The following USP9X variants were observed in gnomAD, a reference collection of about 807,000 sequenced individuals.
USP9X encodes the protein ubiquitin specific peptidase 9 X-linked.
A neutral mutation model predicts 190.3 loss-of-function variants in USP9X; 7 were observed. That is an observed-to-expected ratio of 0.04 (90% CI 0.02 to 0.07). USP9X has a LOEUF of 0.07. Ranked by LOEUF, USP9X falls within the 10% of genes least tolerant of loss-of-function variation. The probability of loss-of-function intolerance (pLI) is 1.00; values close to 1 mark genes in which losing one functional copy is unlikely to be tolerated. For synonymous variants in USP9X, 645 were observed against 659.5 expected (o/e 0.98, Z 0.34); for missense variants, 1,010 against 1,916.9 (o/e 0.53, Z 8.83).
chrX:41,138,574 C>G (rs1037599218), intron 6 of USP9X, among the ~76,000 whole-genome samples: 13 of 111,831 alleles, frequency 1.2e-4, no homozygotes, highest in Non-Finnish European at 2.4e-4. Context: ...ACTTCAAATT[C>G]TCTCTACACC....
At chrX:41,195,665 CTCA>C (rs1313556807) in intron 26 of USP9X, among the ~76,000 whole-genome samples, 1 of 111,527 alleles carries the variant, frequency 9.0e-6, no homozygotes, top group Non-Finnish European at 1.9e-5. Flanking sequence ...TAGTTAGATT[CTCA>C]TAAGGGGCAC....
intron 1 of USP9X, among the ~76,000 whole-genome samples, chrX:41,088,428 A>G (rs2061929247): frequency 8.9e-6 from 1 of 112,438 alleles, no homozygotes; most frequent in Non-Finnish European, 1.9e-5. Context: ...TGAATTTGCT[A>G]ATCATCCAGT....
intron 1 of USP9X, among the ~76,000 whole-genome samples, chrX:41,123,045 A>G (rs1191575660): frequency 9.0e-6 from 1 of 111,498 alleles, no homozygotes; most frequent in Non-Finnish European, 1.9e-5. Flanking sequence ...CTTGGGCGTG[A>G]AAACAGGAAT....
intron 13 of USP9X, 50 bp downstream of exon 13, chrX:41,151,107 TA>T: frequency 8.9e-7 from 1 of 1,124,339 alleles, no homozygotes; most frequent in South Asian, 2.2e-5. Context: ...TTATGTACTT[TA>T]TTGAAAAGAA....
chrX:41,230,665 T>C (rs1435315482), intron 44 of USP9X, 69 bp downstream of exon 44: 4 of 919,418 alleles, frequency 4.4e-6, no homozygotes, highest in Non-Finnish European at 4.6e-6. Flanking sequence ...AGAGGATGGC[T>C]CAATTGTTTG....
chrX:41,124,404 A>G (rs779520418), intron 2 of USP9X, among the ~76,000 whole-genome samples: 1 of 111,475 alleles, frequency 9.0e-6, no homozygotes, highest in African/African-American at 3.3e-5. Flanking sequence ...AGATGGTGCC[A>G]CTGCACTCCA....
chrX:41,091,798 C>T (rs142176522), intron 1 of USP9X, among the ~76,000 whole-genome samples: 1 of 111,358 alleles, frequency 9.0e-6, no homozygotes, highest in African/African-American at 3.3e-5. Context: ...CATAGACTAC[C>T]TTCTTTATGA....
chrX:41,224,274 T>TTA (rs1182142986), intron 39 of USP9X, among the ~76,000 whole-genome samples: 3 of 111,647 alleles, frequency 2.7e-5, no homozygotes, highest in Non-Finnish European at 5.6e-5. Flanking sequence ...TATCTGATCA[T>TTA]TATAATGCAT....
rs1601919053 is a variant in USP9X, at chrX:41,085,534, C to A, written c.-734C>A. On this transcript the variant is annotated 5_prime_UTR_variant, in exon 1 of 45. Coordinates refer to ENST00000378308, the MANE Select transcript of USP9X (RefSeq NM_001039591.3). The stretch of plus-strand genomic sequence containing the variant: ...CCGCCGGAGCCGCAACCTCTCCGCA[C>A]CCGGCCCCGTCAGGGCCTCTGTCGC... 2.4e-5 allele frequency: 5 copies of A among 208,417 alleles called. No homozygotes were observed. In the South Asian group the frequency reaches 1.1e-3, roughly 46 times the overall value. The allele number at this position is 208,417 out of a possible 1,213,427, so 17.2% of individuals were successfully genotyped here. A position where few individuals can be genotyped will look rare whatever the true frequency, so the allele number is the denominator to read the frequency against.
chrX:41,205,611 C>A (rs1602031876), intron 32 of USP9X, 118 bp downstream of exon 32: 332 of 508,547 alleles, frequency 6.5e-4, no homozygotes, highest in Non-Finnish European at 8.8e-4. Flanking sequence ...TGGTAATATT[C>A]AAACTGTCCT....
rs747529664 is a variant in USP9X, at chrX:41,202,369, G to T, written c.4824+1089G>T. ...AACTGTAAGATAGCTCTTTAAAGAA[G>T]AGCATATGGCAAGAAGACTTAAGTT... On this transcript the variant is annotated intron_variant, in intron 31 of 44. Transcript: ENST00000378308. Among the ~76,000 whole-genome samples the T allele has an allele frequency of 2.7e-5, 3 of 112,450 alleles. No homozygotes were observed. In the South Asian group the frequency reaches 1.1e-3, roughly 41 times the overall value.
At chrX:41,194,960 G>A (rs1225563220) in intron 26 of USP9X, among the ~76,000 whole-genome samples, 1 of 111,424 alleles carries the variant, frequency 9.0e-6, no homozygotes. Context: ...ATGATTCCCA[G>A]ATCTGAGAAT....
chrX:41,183,077 T>C (rs1172170004), intron 21 of USP9X, among the ~76,000 whole-genome samples: 1 of 110,077 alleles, frequency 9.1e-6, no homozygotes, highest in African/African-American at 3.3e-5. Flanking sequence ...TAGCTGGGAT[T>C]ACAGGCGCAT....
intron 1 of USP9X, among the ~76,000 whole-genome samples, chrX:41,091,200 ATTT>A (rs2061953014): frequency 1.8e-5 from 1 of 54,285 alleles, no homozygotes; most frequent in Non-Finnish European, 3.7e-5. Flanking sequence ...TGCCAATTGA[ATTT>A]TTTTTGTCAC....
intron 39 of USP9X, among the ~76,000 whole-genome samples, chrX:41,223,734 G>A (rs996287475): frequency 8.9e-6 from 1 of 111,926 alleles, no homozygotes; most frequent in African/African-American, 3.2e-5. Flanking sequence ...ACCATGCCCA[G>A]CCCTCTTTAC....
At chrX:41,093,875 A>T (rs1159808091) in intron 1 of USP9X, among the ~76,000 whole-genome samples, 1 of 112,250 alleles carries the variant, frequency 8.9e-6, no homozygotes, top group African/African-American at 3.2e-5. Context: ...GTGAGTGGGA[A>T]AAACCCCTAA....
chrX:41,101,346 T>TA (rs2062032289), intron 1 of USP9X, among the ~76,000 whole-genome samples: 1 of 108,474 alleles, frequency 9.2e-6, no homozygotes. Flanking sequence ...TTGGGAGGCT[T>TA]AGGCGGGTGG....
chrX:41,131,458 C>T lies in USP9X; in HGVS notation c.244C>T (p.Pro82Ser), dbSNP rs769900335. 8.3e-7 allele frequency: 1 copy of T among 1,207,049 alleles called. No individual in the cohort carries two copies. Among genetic ancestry groups the T allele is most frequent in the Non-Finnish European group, 1.1e-6 (1 of 892,979 alleles). ...LAKLDDMINR[P>S]RWVVPVLPKG... ...GTTTTTGTTTGGTAAAACTTTTAGG[C>T]CTCGATGGGTGGTTCCAGTTTTGCC... Residue 82 changes from proline (P) to serine (S), a missense_variant and splice_region_variant, in exon 4 of 45, where the codon CCT becomes TCT. By Grantham distance (74) the Pro-to-Ser change is moderately conservative. This residue lies in a region of USP9X where 176 missense variants were observed against 247.5 expected (regional missense o/e 0.71). Coordinates refer to ENST00000378308, the MANE Select transcript of USP9X (RefSeq NM_001039591.3).
chrX:41,183,272 TA>T (rs10719162), intron 21 of USP9X, among the ~76,000 whole-genome samples: 1,269 of 96,411 alleles, frequency 0.013, 4 homozygotes, highest in African/African-American at 0.015. Flanking sequence ...AGCTTTTACT[TA>T]AAAAAAAAAA....
Sources: gnomAD v4.1 joint callset for allele counts (sites outside exome capture counted in the v4.1 genomes callset) on GRCh38, gnomAD v4.1.1 for gene constraint, gnomAD v4.1.1 regional missense constraint, MANE v1.5 for transcripts, NCBI Gene and HGNC (gene_info 2026-07-23, HGNC 2026-07-21) for gene names.